IGF2R: variants seen among roughly 807,000 people sequenced by gnomAD.
IGF2R encodes the protein insulin like growth factor 2 receptor.
A neutral mutation model predicts 270.6 loss-of-function variants in IGF2R; 91 were observed. That is an observed-to-expected ratio of 0.34 (90% CI 0.28 to 0.40). The LOEUF (loss-of-function observed/expected upper bound fraction) is 0.40. Among genes scored for constraint, IGF2R ranks in the 10% least tolerant of loss-of-function variants. IGF2R has a pLI of 1.00. For synonymous variants in IGF2R, 1,316 were observed against 1,258.9 expected (o/e 1.05, Z -0.96); for missense variants, 2,805 against 3,188.3 (o/e 0.88, Z 2.90).
chr6:159,972,792 G>T (rs1400728451), intron 1 of IGF2R, among the ~76,000 whole-genome samples: 1 of 152,182 alleles, frequency 6.6e-6, no homozygotes, highest in Non-Finnish European at 1.5e-5. Context: ...CACGTGGAGG[G>T]GCCTGCCCTC....
intron 29 of IGF2R, among the ~76,000 whole-genome samples, chr6:160,065,505 T>G (rs1441491719): frequency 1.3e-5 from 2 of 152,220 alleles, no homozygotes; most frequent in Non-Finnish European, 2.9e-5. Flanking sequence ...TAGGAACGTA[T>G]GTAAATGCAA....
At chr6:160,078,510 C>T in intron 37 of IGF2R, 148 bp downstream of exon 37, 1 of 726,198 alleles carries the variant, frequency 1.4e-6, no homozygotes, top group Non-Finnish European at 2.3e-6. Context: ...TCTCGTAGGG[C>T]ATGCCAGGTC....
At position 160,071,285 on chromosome 6, in the gene IGF2R, G is replaced by C. The variant is rs1252186658; in HGVS notation, c.4444-625G>C. Among the ~76,000 whole-genome samples the C allele has an allele frequency of 7.9e-4, 60 of 75,942 alleles. 1 individual carries two copies. Among genetic ancestry groups the C allele is most frequent in the East Asian group, 2.3e-3 (4 of 1,742 alleles). The allele number at this position is 75,942 out of a possible 152,430, so 49.8% of individuals were successfully genotyped here. ...GCCCAGGAGGCTGGGAGGGAAGGGT[G>C]GGGGTGTGTCGAGGCCCCTGTGCCC... On this transcript the variant is annotated intron_variant, in intron 31 of 47. Coordinates refer to ENST00000356956, the MANE Select transcript of IGF2R (RefSeq NM_000876.4).
intron 1 of IGF2R, among the ~76,000 whole-genome samples, chr6:159,980,040 G>T (rs1206456423): frequency 6.6e-6 from 1 of 152,030 alleles, no homozygotes; most frequent in African/African-American, 2.4e-5. Context: ...TCTTAGATGG[G>T]CGCGGTGGCG....
chr6:160,027,264 G>A lies in IGF2R; in HGVS notation c.726G>A (p.Ala242=), dbSNP rs368140638. The A allele has an allele frequency of 2.8e-5, 46 of 1,614,132 alleles. No homozygotes were observed. The highest frequency in any genetic ancestry group is 8.9e-5 in the East Asian group (4 of 44,878). ...TAACLVRGHQ[A]FDVGQPRDGL... ...CCTGCCTGGTAAGAGGACACCAGGC[G>A]TTTGATGTTGGCCAGCCCCGGGACG... The change falls in exon 6 of 48, where the codon GCG becomes GCA. Residue 242 remains alanine (A), a synonymous_variant. Transcript: ENST00000356956.
At chr6:160,061,079 T>C (rs745464999) in intron 23 of IGF2R, among the ~76,000 whole-genome samples, 1 of 152,220 alleles carries the variant, frequency 6.6e-6, no homozygotes, top group Non-Finnish European at 1.5e-5. Context: ...AGCTGTGCCC[T>C]GGAAGCTGAC....
intron 45 of IGF2R, among the ~76,000 whole-genome samples, chr6:160,099,262 C>T (rs911551922): frequency 1.3e-5 from 2 of 152,094 alleles, no homozygotes; most frequent in African/African-American, 4.8e-5. Context: ...TTTATATCAT[C>T]GATAGGTTCT....
intron 15 of IGF2R, 99 bp from the exon 16 acceptor site, chr6:160,047,060 G>T: frequency 9.0e-7 from 1 of 1,109,316 alleles, no homozygotes; most frequent in South Asian, 1.3e-5. Flanking sequence ...TGGTTCTGGT[G>T]ACTCCTCACG....
chr6:160,089,018 T>C (rs1035908514), intron 42 of IGF2R, 89 bp from the exon 43 acceptor site: 3 of 1,353,444 alleles, frequency 2.2e-6, no homozygotes, highest in African/African-American at 2.9e-5. Flanking sequence ...AGTGAGCTGC[T>C]TCAAGGGCTC....
At chr6:160,032,406 T>A in intron 7 of IGF2R, 145 bp from the exon 8 acceptor site, 1 of 651,890 alleles carries the variant, frequency 1.5e-6, no homozygotes. Flanking sequence ...CTTAATGTGT[T>A]AGAGGCAATT....
chr6:159,980,517 G>GT (rs1445744788), intron 1 of IGF2R, among the ~76,000 whole-genome samples: 1 of 152,224 alleles, frequency 6.6e-6, no homozygotes, highest in Admixed American at 6.5e-5. Context: ...CCCCAGCTGG[G>GT]TGTTAGGCTT....
rs778035205 is a variant in IGF2R, at chr6:160,061,491, G to C, written c.3263-12G>C. Reference sequence around the variant, plus strand: ...GCAGAGTTCTCCAGCGTGGTTTTTTGTTGTGTTTCAGACCTGGCTGGAAAT... The same window carrying C: ...GCAGAGTTCTCCAGCGTGGTTTTTTCTTGTGTTTCAGACCTGGCTGGAAAT... On this transcript the variant is annotated splice_polypyrimidine_tract_variant and intron_variant, in intron 23 of 47. Coordinates refer to ENST00000356956, the MANE Select transcript of IGF2R (RefSeq NM_000876.4). The C allele has an allele frequency of 1.2e-6, 2 of 1,611,908 alleles. No homozygotes were observed. The highest frequency in any genetic ancestry group is 1.7e-6 in the Non-Finnish European group (2 of 1,179,194).
rs778808717 is a variant in IGF2R at position 160,018,801 on chromosome 6, C to T, written c.514-5771C>T. ...AAGTGGATACACAGCATAAAACCTG[C>T]GGGATACAGCAAAAGCAGGGCTAAG... On this transcript the variant is annotated intron_variant, in intron 4 of 47. Coordinates refer to ENST00000356956, the MANE Select transcript of IGF2R (RefSeq NM_000876.4). Among the ~76,000 whole-genome samples, 19 of 151,858 alleles carry T rather than the reference C, an allele frequency of 1.3e-4. No homozygotes were observed. In the Middle Eastern group the frequency reaches 0.017, roughly 136 times the overall value.
In IGF2R at chr6:160,056,461, T is replaced by C; in HGVS notation, c.2732T>C (p.Val911Ala). 1.2e-6 allele frequency: 2 copies of C among 1,614,130 alleles called. No individual in the cohort carries two copies. The highest frequency in any genetic ancestry group is 1.7e-6 in the Non-Finnish European group (2 of 1,179,950). ...HPIFSLNWEC[V>A]VSFLWNTEAA... ...ATCTTTTCTCTCAACTGGGAGTGTG[T>C]GGTCAGTTTCCTGTGGAACACAGAG... The change falls in exon 20 of 48, where the codon GTG (valine) becomes GCG (alanine). Residue 911 changes from valine to alanine, a missense_variant. By Grantham distance (64) the Val-to-Ala change is moderately conservative. Transcript: ENST00000356956.
chr6:160,066,406 G>A (rs963732153), intron 29 of IGF2R, among the ~76,000 whole-genome samples: 2 of 152,138 alleles, frequency 1.3e-5, no homozygotes, highest in Admixed American at 6.5e-5. Flanking sequence ...GTCTGCCTTG[G>A]CCTCCCAAAG....
intron 10 of IGF2R, among the ~76,000 whole-genome samples, chr6:160,039,161 A>G (rs1481241116): frequency 6.6e-6 from 1 of 152,228 alleles, no homozygotes; most frequent in African/African-American, 2.4e-5. Flanking sequence ...ACACACCTAG[A>G]TGGTATAGCC....
In IGF2R at chr6:160,047,826, A is replaced by G. The variant is rs757916334; in HGVS notation, c.2264A>G (p.Tyr755Cys). Residue 755 changes from tyrosine (Y) to cysteine (C), a missense_variant, in exon 17 of 48, where the codon TAC becomes TGC. Tyr to Cys is a radical substitution (Grantham distance 194, BLOSUM62 -2). Coordinates refer to ENST00000356956, the MANE Select transcript of IGF2R (RefSeq NM_000876.4). The stretch of plus-strand genomic sequence containing the variant: ...AACTCCACCTACAACTTCCGGTGGT[A>G]CACCAGCTATGCCTGCCCGGAGGAG... Reference protein sequence around the residue: ...EDNSTYNFRWYTSYACPEEPL... With the variant: ...EDNSTYNFRWCTSYACPEEPL... 6.2e-7 allele frequency: 1 copy of G among 1,614,046 alleles called. No homozygotes were observed. Among genetic ancestry groups the G allele is most frequent in the Non-Finnish European group, 8.5e-7 (1 of 1,179,890 alleles).
At chr6:160,040,808 A>G (rs568261788) in intron 11 of IGF2R, 84 bp downstream of exon 11, 1 of 1,405,616 alleles carries the variant, frequency 7.1e-7, no homozygotes, top group African/African-American at 1.4e-5. Flanking sequence ...TGCGGTTACT[A>G]TTTTCTTTGT....
In IGF2R at chr6:159,998,869, T is replaced by A. The variant is rs189718629; in HGVS notation, c.289+7546T>A. ...TAAATTTTGTTGCACATTCATGTGC[T>A]AGGCCTAATGTTTAAAAGTAAAATA... On this transcript the variant is annotated intron_variant, in intron 2 of 47. Transcript: ENST00000356956. This position sits in a 1 kb window ranked among gnomAD's most constrained non-coding sequence, Gnocchi z 4.1. 6.6e-6 allele frequency among the ~76,000 whole-genome samples: 1 copy of A among 152,370 alleles called. No individual in the cohort carries two copies. The highest frequency in any genetic ancestry group is 1.9e-4 in the East Asian group (1 of 5,194).
Sources: allele counts gnomAD v4.1 joint callset (sites outside exome capture counted in the v4.1 genomes callset), GRCh38; gene constraint gnomAD v4.1.1; non-coding constraint Gnocchi (gnomAD v3.1); transcripts MANE v1.5; gene names NCBI Gene and HGNC (gene_info 2026-07-23, HGNC 2026-07-21).